Variants in DAP observed in about 807,000 individuals in gnomAD.
DAP encodes death-associated protein 1.
A neutral mutation model predicts 13.8 loss-of-function variants in DAP; 8 were observed. The ratio of observed to expected loss-of-function variants is 0.58; its 90% CI spans 0.34 to 1.05. The LOEUF (loss-of-function observed/expected upper bound fraction) is 1.05, where lower values mean the gene tolerates loss of function less well. Ranked by LOEUF, DAP falls within the 50% of genes least tolerant of loss-of-function variation. The pLI is 0.03. For synonymous variants in DAP, 47 were observed against 47.5 expected, an observed-to-expected ratio of 0.99 and a Z score of 0.04; for missense variants, 106 against 133.2, an observed-to-expected ratio of 0.80 and a Z score of 1.01.
intron 2 of DAP, among the ~76,000 whole-genome samples, chr5:10,745,807 C>CA (rs2126676736): frequency 6.6e-6 from 1 of 152,188 alleles, no homozygotes; most frequent in Non-Finnish European, 1.5e-5. Flanking sequence ...CCAGGCAAGG[C>CA]GATATCTCTT....
chr5:10,713,474 ACAGC>A (rs535851782), intron 2 of DAP, among the ~76,000 whole-genome samples: 3 of 152,292 alleles, frequency 2.0e-5, no homozygotes, highest in African/African-American at 7.2e-5. Flanking sequence ...ACCACCACCA[ACAGC>A]CATTCATAAC....
At position 10,759,243 on chromosome 5, in the gene DAP, C is replaced by G. The variant is rs73044551; in HGVS notation, c.55+1771G>C. On this transcript the variant is annotated intron_variant, in intron 1 of 3. Transcript: ENST00000230895. ...CTCTGTATGCAATTTAATTACTGTA[C>G]TTTGGTTCTGTATCATTCCAACAGA... Among the ~76,000 whole-genome samples, 236 of 152,294 alleles carry G rather than the reference C, an allele frequency of 1.5e-3. 2 individuals carry two copies. Among genetic ancestry groups the G allele is most frequent in the African/African-American group, 5.4e-3 (226 of 41,542 alleles).
intron 3 of DAP, among the ~76,000 whole-genome samples, chr5:10,682,833 C>G (rs1303607800): frequency 6.6e-6 from 1 of 152,224 alleles, no homozygotes; most frequent in Non-Finnish European, 1.5e-5. Flanking sequence ...TCTGCTACAT[C>G]TGTATTTGTG....
chr5:10,722,482 C>A (rs972423023), intron 2 of DAP, among the ~76,000 whole-genome samples: 1 of 150,874 alleles, frequency 6.6e-6, no homozygotes, highest in Admixed American at 6.6e-5. Flanking sequence ...TTAATAAACT[C>A]TCTCTCTATA....
At chr5:10,684,552 T>C (rs1738109516) in intron 2 of DAP, among the ~76,000 whole-genome samples, 1 of 152,214 alleles carries the variant, frequency 6.6e-6, no homozygotes. Flanking sequence ...ACTGTTAACG[T>C]GGGGCTATCC....
At chr5:10,705,700 C>T (rs1038781216) in intron 2 of DAP, among the ~76,000 whole-genome samples, 6 of 152,234 alleles carry the variant, frequency 3.9e-5, no homozygotes, top group Non-Finnish European at 8.8e-5. Flanking sequence ...CTTTCCTACT[C>T]AGTATCATCT....
At chr5:10,689,373 C>A (rs1330568986) in intron 2 of DAP, among the ~76,000 whole-genome samples, 2 of 152,162 alleles carry the variant, frequency 1.3e-5, no homozygotes, top group African/African-American at 4.8e-5. Flanking sequence ...GAATGACCCT[C>A]CCCCCACAGG....
chr5:10,753,268 G>A (rs1018237954), intron 1 of DAP, among the ~76,000 whole-genome samples: 13 of 152,230 alleles, frequency 8.5e-5, no homozygotes, highest in Admixed American at 2.0e-4. Context: ...GCCCCAAATC[G>A]CACAGCTGGC....
At position 10,727,137 on chromosome 5, in the gene DAP, CT is replaced by C. The variant is rs769749877; in HGVS notation, c.152+21037del. On this transcript the variant is annotated intron_variant, in intron 2 of 3. Transcript: ENST00000230895. ...ACATTATTAACTTGGCTGTAAATGT[CT>C]TTGCTCAGAGGACCTGGACTGTGCA... Among the ~76,000 whole-genome samples the C allele has an allele frequency of 4.6e-5, 7 of 152,218 alleles. No homozygotes were observed. In the East Asian group the frequency reaches 1.2e-3, roughly 25 times the overall value.
chr5:10,730,816 CCTT>C (rs1739438410), intron 2 of DAP, among the ~76,000 whole-genome samples: 1 of 100,262 alleles, frequency 1.0e-5, no homozygotes, highest in African/African-American at 4.2e-5. Flanking sequence ...TGGGGGGAAT[CCTT>C]CTCTATTGAG....
chr5:10,716,020 C>T (rs756644044), intron 2 of DAP, among the ~76,000 whole-genome samples: 111 of 152,218 alleles, frequency 7.3e-4, no homozygotes, highest in Non-Finnish European at 1.4e-3. Flanking sequence ...TCATTAATTT[C>T]CATCTCACAC....
chr5:10,730,420 G>A (rs558145033), intron 2 of DAP, among the ~76,000 whole-genome samples: 1 of 152,300 alleles, frequency 6.6e-6, no homozygotes, highest in African/African-American at 2.4e-5. Flanking sequence ...CCGGTGGGGG[G>A]GAATCTTTCT....
chr5:10,742,788 C>T (rs1050057975), intron 2 of DAP, among the ~76,000 whole-genome samples: 1 of 152,120 alleles, frequency 6.6e-6, no homozygotes, highest in Non-Finnish European at 1.5e-5. Flanking sequence ...ACAGTCTGGG[C>T]CCTAGGGATG....
intron 2 of DAP, among the ~76,000 whole-genome samples, chr5:10,737,247 G>A (rs1739634380): frequency 6.6e-6 from 1 of 151,844 alleles, no homozygotes; most frequent in Non-Finnish European, 1.5e-5. Flanking sequence ...TCGGGAGGCT[G>A]AGGCAGGAGA....
intron 2 of DAP, among the ~76,000 whole-genome samples, chr5:10,712,346 C>A (rs1738874417): frequency 6.6e-6 from 1 of 152,200 alleles, no homozygotes; most frequent in Non-Finnish European, 1.5e-5. Flanking sequence ...CACAGCAACA[C>A]ACACAGCATG....
rs1295915866 is a variant in DAP at position 10,683,540 on chromosome 5, C to T, written c.184G>A (p.Val62Ile). 2 of 1,613,778 alleles carry T rather than the reference C, an allele frequency of 1.2e-6. No homozygotes were observed. The highest frequency in any genetic ancestry group is 1.7e-6 in the Non-Finnish European group (2 of 1,179,970). ...ACTCCCAGACTTACCCGGGCGATGA[C>T]CCCAGAGATGAACACAGTGGGTTTA... is the stretch of plus-strand genomic sequence containing the variant. ...PPKPTVFISG[V>I]IARGDKDFPP... is the part of the protein sequence containing the mutation. Residue 62 changes from valine (V) to isoleucine (I), a missense_variant, in exon 3 of 4, where the codon GTC (valine) becomes ATC (isoleucine). Physicochemically the swap from Val to Ile is conservative, Grantham distance 29. Transcript: ENST00000230895.
Position 10,761,127 on chromosome 5 carries a change from G to T in DAP, c.-59C>A. On this transcript the variant is annotated 5_prime_UTR_variant, in exon 1 of 4. Transcript: ENST00000230895. Reference sequence around the variant, plus strand: ...GGCGCGGTTCTCGGGCCGGGCGGGCGTGCGCGAGTGAGCTCAGGTGTGAGC... The same window carrying T: ...GGCGCGGTTCTCGGGCCGGGCGGGCTTGCGCGAGTGAGCTCAGGTGTGAGC... 2 of 1,019,064 alleles carry T rather than the reference G, an allele frequency of 2.0e-6. No individual in the cohort carries two copies. Among genetic ancestry groups the T allele is most frequent in the Non-Finnish European group, 2.5e-6 (2 of 800,992 alleles). The allele number at this position is 1,019,064 out of a possible 1,614,324, so 63.1% of individuals were successfully genotyped here.
At chr5:10,760,691 G>T (rs575413516) in intron 1 of DAP, among the ~76,000 whole-genome samples, 1 of 152,264 alleles carries the variant, frequency 6.6e-6, no homozygotes, top group Non-Finnish European at 1.5e-5. Flanking sequence ...AATATTATCC[G>T]CCAAAACTTT....
chr5:10,704,288 C>G (rs996816617), intron 2 of DAP, among the ~76,000 whole-genome samples: 7 of 152,176 alleles, frequency 4.6e-5, no homozygotes, highest in African/African-American at 1.7e-4. Flanking sequence ...GGATATTACA[C>G]TAAGTAGGAT....
Sources: allele counts gnomAD v4.1 joint callset (sites outside exome capture counted in the v4.1 genomes callset), GRCh38; gene constraint gnomAD v4.1.1; transcripts MANE v1.5; gene names NCBI Gene and HGNC (gene_info 2026-07-23, HGNC 2026-07-21).